The following CSMD1 variants were observed in gnomAD, a reference collection of about 807,000 sequenced individuals.
CSMD1 encodes CUB and sushi domain-containing protein 1.
CSMD1 carries 213 observed loss-of-function variants against 417.5 expected under a neutral mutation model. The observed-to-expected ratio is 0.51, with a 90% CI of 0.46 to 0.57. The LOEUF (loss-of-function observed/expected upper bound fraction) is 0.57. Ranked by LOEUF, CSMD1 falls within the 20% of genes least tolerant of loss-of-function variation. CSMD1 has a pLI of 0.00. For synonymous variants in CSMD1, 2,862 were observed against 1,736.8 expected, an observed-to-expected ratio of 1.65 and a Z score of -16.11; for missense variants, 6,923 against 4,529.7, an observed-to-expected ratio of 1.53 and a Z score of -15.17.
At chr8:4,374,815 C>G (rs569101181) in intron 3 of CSMD1, among the ~76,000 whole-genome samples, 1 of 152,024 alleles carries the variant, frequency 6.6e-6, no homozygotes, top group African/African-American at 2.4e-5. Flanking sequence ...GGCAGGAAAA[C>G]GGCCTGCTGA....
intron 49 of CSMD1, among the ~76,000 whole-genome samples, chr8:3,066,708 G>C (rs564305836): frequency 1.3e-5 from 2 of 152,118 alleles, no homozygotes; most frequent in African/African-American, 4.8e-5. Flanking sequence ...ACTGAAGGCT[G>C]GTCATAAGGG....
chr8:4,127,509 G>A (rs537879560), intron 3 of CSMD1, among the ~76,000 whole-genome samples: 5 of 143,696 alleles, frequency 3.5e-5, no homozygotes, highest in South Asian at 2.2e-4. Context: ...TTCAACTGCA[G>A]ACTTCTCCCT....
intron 39 of CSMD1, among the ~76,000 whole-genome samples, chr8:3,152,238 T>C (rs765536400): frequency 6.6e-6 from 1 of 152,248 alleles, no homozygotes; most frequent in Non-Finnish European, 1.5e-5. Flanking sequence ...CTACTGTATC[T>C]GAGGTTTGAC....
intron 2 of CSMD1, among the ~76,000 whole-genome samples, chr8:4,448,318 G>C (rs1463018611): frequency 6.6e-6 from 1 of 152,142 alleles, no homozygotes; most frequent in African/African-American, 2.4e-5. Context: ...GCCGATCTAG[G>C]AGGATTTTTA....
chr8:4,154,311 T>C (rs1275434711), intron 3 of CSMD1, among the ~76,000 whole-genome samples: 2 of 152,204 alleles, frequency 1.3e-5, no homozygotes, highest in Admixed American at 1.3e-4. Flanking sequence ...CTCAGCTTCC[T>C]ATTTAAGTTG....
chr8:3,492,400 C>T (rs1818434145), intron 11 of CSMD1, among the ~76,000 whole-genome samples: 1 of 152,124 alleles, frequency 6.6e-6, no homozygotes, highest in South Asian at 2.1e-4. Flanking sequence ...AAAGAGGCAT[C>T]CTCAGTAGTA....
chr8:3,732,939 TTATC>T (rs1390455051), intron 6 of CSMD1, among the ~76,000 whole-genome samples: 3 of 152,138 alleles, frequency 2.0e-5, no homozygotes, highest in African/African-American at 4.8e-5. Context: ...TATCTATCCA[TTATC>T]TATCTATCTA....
chr8:3,721,586 A>T (rs1033176022), intron 6 of CSMD1, among the ~76,000 whole-genome samples: 2 of 152,210 alleles, frequency 1.3e-5, no homozygotes, highest in Non-Finnish European at 2.9e-5. Context: ...TTCAGGTTCA[A>T]ACTTATTTTC....
chr8:4,272,112 G>T (rs577221344), intron 3 of CSMD1, among the ~76,000 whole-genome samples: 1 of 151,534 alleles, frequency 6.6e-6, no homozygotes, highest in Admixed American at 6.6e-5. Flanking sequence ...ACCTGTCAGG[G>T]GTGTGTGTGT....
intron 5 of CSMD1, among the ~76,000 whole-genome samples, chr8:3,820,320 A>G (rs543904220): frequency 7.1e-4 from 108 of 152,132 alleles, no homozygotes; most frequent in Non-Finnish European, 1.1e-3. Flanking sequence ...GTAGTCTAAG[A>G]TGAATTCCTC....
intron 6 of CSMD1, among the ~76,000 whole-genome samples, chr8:3,753,723 T>C (rs1241997371): frequency 6.6e-6 from 1 of 152,196 alleles, no homozygotes; most frequent in Non-Finnish European, 1.5e-5. Flanking sequence ...CAAGAAACTA[T>C]ACATATCCTG....
intron 5 of CSMD1, among the ~76,000 whole-genome samples, chr8:3,926,102 CACA>C (rs1286188133): frequency 3.8e-5 from 2 of 52,094 alleles, no homozygotes; most frequent in Non-Finnish European, 8.3e-5. Flanking sequence ...CACACACACA[CACA>C]CACACACACA....
At chr8:3,633,564 A>T (rs906290279) in intron 7 of CSMD1, among the ~76,000 whole-genome samples, 10 of 152,230 alleles carry the variant, frequency 6.6e-5, no homozygotes, top group African/African-American at 2.4e-4. Flanking sequence ...TCAAAAGTTC[A>T]TTTCATTTTT....
At chr8:4,301,000 G>A (rs543289305) in intron 3 of CSMD1, among the ~76,000 whole-genome samples, 1 of 152,256 alleles carries the variant, frequency 6.6e-6, no homozygotes, top group African/African-American at 2.4e-5. Context: ...ACATAAGTGT[G>A]CATGTGTCTT....
At chr8:4,273,353 G>T (rs978616655) in intron 3 of CSMD1, among the ~76,000 whole-genome samples, 2 of 151,966 alleles carry the variant, frequency 1.3e-5, no homozygotes, top group Non-Finnish European at 2.9e-5. Flanking sequence ...TCATATTTAC[G>T]GGTAATTCGA....
At chr8:3,116,050 T>A (rs1177930904) in intron 42 of CSMD1, among the ~76,000 whole-genome samples, 2 of 152,212 alleles carry the variant, frequency 1.3e-5, no homozygotes, top group African/African-American at 4.8e-5. Context: ...GCCATATAAC[T>A]GTAACTAATA....
intron 2 of CSMD1, among the ~76,000 whole-genome samples, chr8:4,526,039 T>C (rs1484292193): frequency 2.6e-5 from 4 of 152,170 alleles, no homozygotes; most frequent in East Asian, 1.9e-4. Flanking sequence ...GAGCGGGTGA[T>C]GAATTATCTT....
chr8:3,266,784 CAAAA>C (rs10595372), intron 26 of CSMD1, among the ~76,000 whole-genome samples: 3 of 131,532 alleles, frequency 2.3e-5, no homozygotes, highest in African/African-American at 5.5e-5. Flanking sequence ...TAAAAAAAAT[CAAAA>C]AAAAAAAAAA....
chr8:4,725,805 C>G lies in CSMD1; in HGVS notation c.86-88247G>C, dbSNP rs374186609. 4.6e-5 allele frequency among the ~76,000 whole-genome samples: 7 copies of G among 152,160 alleles called. No homozygotes were observed. The South Asian group carries it at 6.2e-4, about 14-fold the overall frequency. ...TGCGCTGCGTTTGAGCCTAGCTGCT[C>G]GGTTGGAACTGAGTGTAATGTTCAC... is the stretch of plus-strand genomic sequence containing the variant. On this transcript the variant is annotated intron_variant, in intron 1 of 69. Transcript: ENST00000635120.
Sources: gnomAD v4.1 joint callset for allele counts (sites outside exome capture counted in the v4.1 genomes callset) on GRCh38, gnomAD v4.1.1 for gene constraint, MANE v1.5 for transcripts, NCBI Gene and HGNC (gene_info 2026-07-23, HGNC 2026-07-21) for gene names.